The following ACVR1C variants were observed in gnomAD, a reference collection of about 807,000 sequenced individuals.
The protein encoded by ACVR1C is activin receptor type-1C.
Under a neutral mutation model 57.9 loss-of-function variants are expected in ACVR1C, and 23 were observed. That is an observed-to-expected ratio of 0.40 (90% confidence interval 0.29 to 0.56). The LOEUF (loss-of-function observed/expected upper bound fraction) is 0.56, where lower values mean the gene tolerates loss of function less well. ACVR1C is among the 20% of genes least tolerant of loss of function. ACVR1C has a pLI of 0.50. For synonymous variants in ACVR1C, 214 were observed against 215.3 expected, an observed-to-expected ratio of 0.99 and a Z score of 0.05; for missense variants, 480 against 607.9, an observed-to-expected ratio of 0.79 and a Z score of 2.21.
intron 1 of ACVR1C, among the ~76,000 whole-genome samples, chr2:157,627,207 C>CT (rs1012156512): frequency 6.6e-5 from 10 of 152,012 alleles, no homozygotes; most frequent in Middle Eastern, 6.4e-3. Flanking sequence ...ACCTTGAAGA[C>CT]TTTTTTTTGT....
chr2:157,550,090 T>C (rs1401249319), intron 4 of ACVR1C, 72 bp downstream of exon 4: 4 of 967,206 alleles, frequency 4.1e-6, no homozygotes, highest in Non-Finnish European at 5.9e-6. Flanking sequence ...CTAGACAACA[T>C]TTTTTTTTTG....
intron 2 of ACVR1C, among the ~76,000 whole-genome samples, chr2:157,586,894 C>A (rs558234136): frequency 6.6e-6 from 1 of 152,182 alleles, no homozygotes; most frequent in African/African-American, 2.4e-5. Context: ...TTTAAAAACT[C>A]CATAAAAATT....
At position 157,613,181 on chromosome 2, in the gene ACVR1C, G is replaced by A. The variant is rs567944162; in HGVS notation, c.73+15391C>T. 9.2e-5 allele frequency among the ~76,000 whole-genome samples: 14 copies of A among 152,178 alleles called. 1 individual carries two copies. In the South Asian group the frequency reaches 1.0e-3, roughly 11 times the overall value. On this transcript the variant is annotated intron_variant, in intron 1 of 8. Transcript: ENST00000243349. ...TGGCTGCTCACTTCCTTTTTCTTCC[G>A]TGTCTCAGTTGTTTCCTGTGACTTT...
chr2:157,544,502 C>T lies in ACVR1C; in HGVS notation c.886G>A (p.Ala296Thr), dbSNP rs753576405. ...GCCAGACCACTAGCAATTGAGAGCG[C>T]CAGCTTGATCATTCCAGCCACGGTC... ...IVTVAGMIKL[A>T]LSIASGLAHL... The change falls in exon 5 of 9, where the codon GCG (alanine) becomes ACG (threonine). Residue 296 changes from alanine (A) to threonine (T), a missense_variant. Coordinates refer to ENST00000243349, the MANE Select transcript of ACVR1C (RefSeq NM_145259.3). 6.8e-6 allele frequency: 11 copies of T among 1,613,880 alleles called. No homozygotes were observed. Among genetic ancestry groups the T allele is most frequent in the Non-Finnish European group, 9.3e-6 (11 of 1,179,938 alleles).
chr2:157,550,014 A>G (rs990087600), intron 4 of ACVR1C, 148 bp downstream of exon 4: 44 of 754,648 alleles, frequency 5.8e-5, no homozygotes, highest in African/African-American at 1.6e-4. Flanking sequence ...AAAAAAAAAA[A>G]AAAGAAAGAA....
intron 2 of ACVR1C, among the ~76,000 whole-genome samples, chr2:157,573,117 A>C (rs1211014469): frequency 6.6e-6 from 1 of 152,206 alleles, no homozygotes; most frequent in African/African-American, 2.4e-5. Context: ...TTGTAATTAC[A>C]GTTTGCTTTA....
At chr2:157,616,786 A>G (rs201668106) in intron 1 of ACVR1C, among the ~76,000 whole-genome samples, 1 of 152,062 alleles carries the variant, frequency 6.6e-6, no homozygotes, top group East Asian at 1.9e-4. Flanking sequence ...GAACATTAAG[A>G]AAGAATACAG....
At chr2:157,617,895 A>G (rs1196371863) in intron 1 of ACVR1C, among the ~76,000 whole-genome samples, 1 of 151,966 alleles carries the variant, frequency 6.6e-6, no homozygotes, top group Non-Finnish European at 1.5e-5. Context: ...GAAGCTTAAA[A>G]ATAAAAGTTG....
At position 157,532,473 on chromosome 2, in the gene ACVR1C, G is replaced by T. The variant is rs1687379733; in HGVS notation, c.*1445C>A. ...TATCACTTTATAAGCAAGTACCAAA[G>T]AACACTTTTGGTCTTGGATCATCTC... On this transcript the variant is annotated 3_prime_UTR_variant, in exon 9 of 9. Coordinates refer to ENST00000243349, the MANE Select transcript of ACVR1C (RefSeq NM_145259.3). The T allele has an allele frequency of 6.7e-6, 1 of 149,968 alleles. No homozygotes were observed. The highest frequency in any genetic ancestry group is 1.5e-5 in the Non-Finnish European group (1 of 67,622). 9.3% of individuals were successfully genotyped at this position (149,968 alleles called of 1,614,324 possible). A position where few individuals can be genotyped will look rare whatever the true frequency, so the allele number is the denominator to read the frequency against.
intron 2 of ACVR1C, among the ~76,000 whole-genome samples, chr2:157,562,212 T>C (rs1285138514): frequency 6.6e-6 from 1 of 151,166 alleles, no homozygotes; most frequent in Non-Finnish European, 1.5e-5. Flanking sequence ...GAAGAATCGC[T>C]TGAACCCAGT....
At chr2:157,584,384 G>A (rs1049649451) in intron 2 of ACVR1C, among the ~76,000 whole-genome samples, 13 of 151,400 alleles carry the variant, frequency 8.6e-5, no homozygotes, top group Admixed American at 3.3e-4. Context: ...GATTACAGTC[G>A]TGAGCCACCA....
At chr2:157,560,602 T>C (rs1343836768) in intron 2 of ACVR1C, among the ~76,000 whole-genome samples, 1 of 152,204 alleles carries the variant, frequency 6.6e-6, no homozygotes, top group Non-Finnish European at 1.5e-5. Context: ...CAATCAGAAC[T>C]CAGCTGCATC....
chr2:157,554,735 T>C (rs888125962), intron 3 of ACVR1C, among the ~76,000 whole-genome samples: 3 of 152,212 alleles, frequency 2.0e-5, no homozygotes, highest in African/African-American at 7.2e-5. Flanking sequence ...CCTCTGTTAA[T>C]TGTTACTGCC....
intron 3 of ACVR1C, among the ~76,000 whole-genome samples, chr2:157,550,835 A>G (rs1056657978): frequency 4.6e-5 from 7 of 152,194 alleles, no homozygotes; most frequent in African/African-American, 1.7e-4. Flanking sequence ...TCAAAAACCA[A>G]GCTCAAATTG....
chr2:157,603,222 A>G (rs963167046), intron 1 of ACVR1C, among the ~76,000 whole-genome samples: 2 of 152,194 alleles, frequency 1.3e-5, no homozygotes, highest in African/African-American at 4.8e-5. Context: ...AACTTACCTG[A>G]TCTCTGGGAC....
chr2:157,586,241 ATAT>A (rs1310550046), intron 2 of ACVR1C, among the ~76,000 whole-genome samples: 1 of 152,064 alleles, frequency 6.6e-6, no homozygotes, highest in Admixed American at 6.6e-5. Flanking sequence ...GGTGGTAGTG[ATAT>A]TATATTTTAT....
chr2:157,587,794 G>A (rs1034656243), intron 1 of ACVR1C, among the ~76,000 whole-genome samples: 9 of 152,034 alleles, frequency 5.9e-5, no homozygotes, highest in Admixed American at 2.0e-4. Flanking sequence ...AATACTCATA[G>A]AACATTAAAG....
chr2:157,536,993 A>AT (rs1392526390), intron 8 of ACVR1C, among the ~76,000 whole-genome samples: 1 of 152,158 alleles, frequency 6.6e-6, no homozygotes, highest in Non-Finnish European at 1.5e-5. Flanking sequence ...CACCTCATAG[A>AT]TATAGCACAT....
chr2:157,587,181 C>A lies in ACVR1C; in HGVS notation c.304+6G>T, dbSNP rs746155388. Reference sequence around the variant, plus strand: ...AATTCGGAATGAACAAAGATAAACCCCTTACCTGTTGGAAGGTGCAGTGTT... The same window carrying A: ...AATTCGGAATGAACAAAGATAAACCACTTACCTGTTGGAAGGTGCAGTGTT... On this transcript the variant is annotated splice_donor_region_variant and intron_variant, in intron 2 of 8. Transcript: ENST00000243349. 3 of 1,599,026 alleles carry A rather than the reference C, an allele frequency of 1.9e-6. No individual in the cohort carries two copies. Among genetic ancestry groups the A allele is most frequent in the Non-Finnish European group, 2.6e-6 (3 of 1,166,632 alleles).
Sources: gnomAD v4.1 joint callset for allele counts (sites outside exome capture counted in the v4.1 genomes callset) on GRCh38, gnomAD v4.1.1 for gene constraint, MANE v1.5 for transcripts, NCBI Gene and HGNC (gene_info 2026-07-23, HGNC 2026-07-21) for gene names.